The following NBPF9 variants were observed in gnomAD, a reference collection of about 807,000 sequenced individuals.
NBPF9 encodes NBPF member 9.
A neutral mutation model predicts 97.8 loss-of-function variants in NBPF9; 91 were observed. The ratio of observed to expected loss-of-function variants is 0.93; its 90% CI spans 0.79 to 1.11. The LOEUF (loss-of-function observed/expected upper bound fraction) is 1.11, where lower values mean the gene tolerates loss of function less well. Ranked by LOEUF, NBPF9 falls within the 50% of genes least tolerant of loss-of-function variation. The pLI, the probability that NBPF9 is intolerant of heterozygous loss-of-function variation, is 0.00. For synonymous variants in NBPF9, 334 were observed against 359.5 expected (o/e 0.93, Z 0.80); for missense variants, 992 against 939.5 (o/e 1.06, Z -0.73).
chr1:149,081,428 G>A (rs1184646317), intron 7 of NBPF9, among the ~76,000 whole-genome samples: 1 of 150,120 alleles, frequency 6.7e-6, no homozygotes, highest in Non-Finnish European at 1.5e-5. Flanking sequence ...CCTACTCCCT[G>A]CTCTTGATGC....
Position 149,062,615 on chromosome 1 carries a change from G to T in NBPF9, c.2078+247C>A, listed in dbSNP as rs2078699161. ...GGGCTCAATAATTTTCCATAAACTT[G>T]CTCAAGATTCCATGCAGTTGCCATA... On this transcript the variant is annotated intron_variant, in intron 21 of 29. Transcript: ENST00000584027. Among the ~76,000 whole-genome samples, 6 of 142,948 alleles carry T rather than the reference G, an allele frequency of 4.2e-5. No individual in the cohort carries two copies. The South Asian group carries it at 9.3e-4, about 22-fold the overall frequency. The allele number at this position is 142,948 out of a possible 152,430, so 93.8% of individuals were successfully genotyped here.
intron 5 of NBPF9, among the ~76,000 whole-genome samples, chr1:149,082,800 GA>G (rs2080600267): frequency 7.0e-6 from 1 of 142,478 alleles, no homozygotes; most frequent in Non-Finnish European, 1.5e-5. Flanking sequence ...TTTTTTTTGA[GA>G]CAGAGTCTCA....
At chr1:149,055,620 T>A (rs587653796) in exon 30 of NBPF9, 2 of 1,611,598 alleles carry the variant, frequency 1.2e-6, no homozygotes, top group Non-Finnish European at 1.7e-6. Context: ...AGGTCCTGCC[T>A]GCAGGAATGA....
intron 4 of NBPF9, among the ~76,000 whole-genome samples, chr1:149,094,374 C>T (rs2081607019): frequency 7.8e-6 from 1 of 128,452 alleles, no homozygotes; most frequent in African/African-American, 3.3e-5. Flanking sequence ...CTCTTCTCTA[C>T]TTGTCACAAA....
chr1:149,092,996 C>T (rs587650073), intron 4 of NBPF9, among the ~76,000 whole-genome samples: 38 of 151,556 alleles, frequency 2.5e-4, no homozygotes, highest in Admixed American at 1.3e-3. Context: ...CCCAGGGGAC[C>T]GGCGTTCAGC....
At chr1:149,096,078 G>A (rs1266781203) in intron 4 of NBPF9, among the ~76,000 whole-genome samples, 6 of 152,084 alleles carry the variant, frequency 3.9e-5, no homozygotes, top group Admixed American at 1.3e-4. Context: ...GAACTTAAAA[G>A]TACATAATGC....
downstream of NBPF9, among the ~76,000 whole-genome samples, chr1:149,052,545 A>AT (rs1294402938): frequency 6.6e-6 from 1 of 151,910 alleles, no homozygotes; most frequent in Admixed American, 6.6e-5. Context: ...CCAGGAGAGA[A>AT]TTAAGAGGCC....
At chr1:149,075,204 C>A (rs1277847521) in intron 12 of NBPF9, among the ~76,000 whole-genome samples, 2 of 151,776 alleles carry the variant, frequency 1.3e-5, no homozygotes, top group Non-Finnish European at 2.9e-5. Context: ...GTACTGGCTA[C>A]TATCACCAAG....
intron 13 of NBPF9, among the ~76,000 whole-genome samples, 174 bp downstream of exon 13, chr1:149,073,594 A>G (rs1311606247): frequency 1.3e-5 from 2 of 149,962 alleles, no homozygotes; most frequent in African/African-American, 4.9e-5. Context: ...TGCAACCCAT[A>G]CATTTTTATT....
chr1:149,073,351 G>A (rs1487126932), intron 13 of NBPF9, among the ~76,000 whole-genome samples: 1 of 140,524 alleles, frequency 7.1e-6, no homozygotes, highest in Non-Finnish European at 1.5e-5. Context: ...GACGAAAGAA[G>A]AAAAGAATGA....
intron 12 of NBPF9, among the ~76,000 whole-genome samples, 155 bp from the exon 13 acceptor site, chr1:149,074,025 C>T (rs587622553): frequency 6.6e-5 from 10 of 150,966 alleles, no homozygotes; most frequent in Admixed American, 2.0e-4. Flanking sequence ...CTTCAGTCTC[C>T]TGACTTTCTG....
At chr1:149,062,831 G>T (rs1395580297) in intron 21 of NBPF9, 31 bp downstream of exon 21, 1 of 669,484 alleles carries the variant, frequency 1.5e-6, no homozygotes, top group East Asian at 2.6e-5. Flanking sequence ...TGTCAACACA[G>T]AATTAAGCAT....
exon 30 of NBPF9, chr1:149,055,846 A>G (rs782101622): frequency 6.2e-7 from 1 of 1,606,462 alleles, no homozygotes; most frequent in Admixed American, 1.7e-5. Flanking sequence ...ACATCCATCC[A>G]GTGAGTCCTG....
intron 17 of NBPF9, among the ~76,000 whole-genome samples, chr1:149,067,969 T>C (rs4649651): frequency 0.12 from 17,405 of 141,736 alleles, 1,338 homozygotes; most frequent in African/African-American, 0.16. Flanking sequence ...CTCTCCAGCA[T>C]CTTCAACATT....
At chr1:149,103,409 G>C (rs1306742141) in exon 1 of NBPF9, 3 of 152,306 alleles carry the variant, frequency 2.0e-5, no homozygotes, top group Non-Finnish European at 4.4e-5. Flanking sequence ...CCCGTCCCGC[G>C]TTCCCAAAAG....
chr1:149,071,415 C>T (rs1479066201), intron 15 of NBPF9, among the ~76,000 whole-genome samples, 189 bp downstream of exon 15: 1 of 148,714 alleles, frequency 6.7e-6, no homozygotes, highest in Admixed American at 6.6e-5. Flanking sequence ...ACGGTGCAGA[C>T]ATGACACTCG....
chr1:149,059,953 A>T lies in NBPF9; in HGVS notation c.2477-145T>A. ...GAGAGATATATTTCAGGAGGCCTGA[A>T]GGCTGGTTATGATAGAAATTCCTCA... On this transcript the variant is annotated intron_variant, in intron 24 of 29. Coordinates refer to ENST00000584027, the Ensembl canonical transcript of NBPF9. 4.7e-6 allele frequency: 2 copies of T among 425,014 alleles called. 1 individual carries two copies. The highest frequency in any genetic ancestry group is 8.5e-6 in the Non-Finnish European group (2 of 234,948). 26.3% of individuals were successfully genotyped at this position (425,014 alleles called of 1,614,324 possible).
At position 149,098,431 on chromosome 1, in the gene NBPF9, TTTTTACC is replaced by T; in HGVS notation, c.-337_-337+6del. On this transcript the variant is annotated splice_donor_variant and splice_donor_5th_base_variant and 5_prime_UTR_variant and intron_variant, in exon 4 of 30. Transcript: ENST00000584027. LOFTEE classifies it low-confidence loss of function (5UTR_SPLICE). ...CCATCGAGCTGGCAATGCCTCAGGG[TTTTTACC>T]TGTGGGATCTGGCAGCTCTTCATTT... The T allele has an allele frequency of 7.1e-7, 1 of 1,416,496 alleles. No homozygotes were observed. The highest frequency in any genetic ancestry group is 1.5e-5 in the African/African-American group (1 of 68,872). The allele number at this position is 1,416,496 out of a possible 1,614,324, so 87.7% of individuals were successfully genotyped here.
intron 7 of NBPF9, among the ~76,000 whole-genome samples, chr1:149,081,065 A>G (rs2080390730): frequency 6.6e-6 from 1 of 152,002 alleles, no homozygotes; most frequent in South Asian, 2.1e-4. Flanking sequence ...ACCAGGAAGC[A>G]GGACTTCACT....
Sources: allele counts gnomAD v4.1 joint callset (sites outside exome capture counted in the v4.1 genomes callset), GRCh38; gene constraint gnomAD v4.1.1; transcripts MANE v1.5; gene names NCBI Gene and HGNC (gene_info 2026-07-23, HGNC 2026-07-21).